Variants in RNF185 observed in about 807,000 individuals in gnomAD.
The protein encoded by RNF185 is ring finger protein 185.
A neutral mutation model predicts 24.9 loss-of-function variants in RNF185; 13 were observed. The observed-to-expected ratio is 0.52, with a 90% CI of 0.34 to 0.83. The LOEUF is 0.83. RNF185 is among the 40% of genes least tolerant of loss of function. RNF185 has a pLI of 0.01. For missense variants in RNF185, 184 were observed against 244.7 expected, an observed-to-expected ratio of 0.75 and a Z score of 1.65; for synonymous variants, 79 against 90.3, an observed-to-expected ratio of 0.88 and a Z score of 0.71.
intron 1 of RNF185, among the ~76,000 whole-genome samples, chr22:31,180,818 G>A (rs1292486486): frequency 6.6e-6 from 1 of 151,974 alleles, no homozygotes; most frequent in Non-Finnish European, 1.5e-5. Context: ...TTGAAACAGG[G>A]TAAGAATATA....
rs535149303 is a variant in RNF185, at chr22:31,189,946, A to G, written c.176+2676A>G. Among the ~76,000 whole-genome samples the G allele has an allele frequency of 1.2e-4, 19 of 152,282 alleles. No homozygotes were observed. In the South Asian group the frequency reaches 3.9e-3, roughly 32 times the overall value. On this transcript the variant is annotated intron_variant, in intron 2 of 6. Transcript: ENST00000326132. ...CATTGGAAAGAACACAGACTCTAAA[A>G]TGAAACAGATGCTTCCAGTCTGGAT... is the stretch of plus-strand genomic sequence containing the variant.
rs1568975537 is a variant in RNF185 at position 31,204,730 on chromosome 22, G to C, written c.*144G>C. ...ATCAAGGAGTCTTGTTTCTTCATCA[G>C]AGCTTTGGAACTCGAGACCAGTTGG... On this transcript the variant is annotated 3_prime_UTR_variant, in exon 7 of 7. Transcript: ENST00000326132. 1 of 609,370 alleles carries C rather than the reference G, an allele frequency of 1.6e-6. No homozygotes were observed. The highest frequency in any genetic ancestry group is 3.0e-6 in the Non-Finnish European group (1 of 337,412). The allele number at this position is 609,370 out of a possible 1,614,324, so 37.7% of individuals were successfully genotyped here. A position where few individuals can be genotyped will look rare whatever the true frequency, so the allele number is the denominator to read the frequency against.
intron 5 of RNF185, among the ~76,000 whole-genome samples, chr22:31,199,082 A>G (rs983720936): frequency 2.1e-5 from 3 of 140,928 alleles, no homozygotes; most frequent in African/African-American, 8.2e-5. Flanking sequence ...CCTTGGCGAC[A>G]GAGCAAGACT....
intron 5 of RNF185, among the ~76,000 whole-genome samples, chr22:31,198,380 A>G (rs917035647): frequency 4.8e-5 from 7 of 147,220 alleles, no homozygotes; most frequent in Non-Finnish European, 1.0e-4. Flanking sequence ...TGCTACAATA[A>G]CCATCTTTGC....
chr22:31,185,208 T>C (rs148711078), intron 1 of RNF185, among the ~76,000 whole-genome samples: 64 of 152,146 alleles, frequency 4.2e-4, no homozygotes, highest in African/African-American at 1.3e-3. Context: ...TTCTGGGACA[T>C]TATGTAAAAT....
chr22:31,186,959 T>C (rs1379227781), intron 1 of RNF185, 88 bp from the exon 2 acceptor site: 2 of 944,404 alleles, frequency 2.1e-6, no homozygotes, highest in Non-Finnish European at 1.6e-6. Flanking sequence ...TAATCAGCTC[T>C]GGAGCCTAGA....
chr22:31,177,159 C>T (rs1456384047), intron 1 of RNF185, among the ~76,000 whole-genome samples: 2 of 152,076 alleles, frequency 1.3e-5, no homozygotes, highest in East Asian at 1.9e-4. Context: ...TCTTCAGGTA[C>T]TATGTACACA....
At chr22:31,185,075 C>A (rs2048085863) in intron 1 of RNF185, among the ~76,000 whole-genome samples, 1 of 151,158 alleles carries the variant, frequency 6.6e-6, no homozygotes, top group South Asian at 2.1e-4. Context: ...ATGTGGCCCT[C>A]AAAAGTGGGT....
intron 1 of RNF185, among the ~76,000 whole-genome samples, chr22:31,170,241 T>G (rs1332427625): frequency 6.6e-6 from 1 of 152,134 alleles, no homozygotes; most frequent in Non-Finnish European, 1.5e-5. Flanking sequence ...CAGGCTGGAG[T>G]GCAGTGGTGC....
chr22:31,163,912 G>A (rs1363471245), intron 1 of RNF185, among the ~76,000 whole-genome samples: 1 of 151,842 alleles, frequency 6.6e-6, no homozygotes, highest in East Asian at 1.9e-4. Flanking sequence ...GACCTCAAGT[G>A]ATCCACCCAC....
At chr22:31,197,516 A>G (rs973574956) in intron 5 of RNF185, among the ~76,000 whole-genome samples, 2 of 152,194 alleles carry the variant, frequency 1.3e-5, no homozygotes, top group Admixed American at 1.3e-4. Context: ...AGTTAAAAAA[A>G]ATCCTGATGA....
At chr22:31,180,341 A>G (rs1406916304) in intron 1 of RNF185, among the ~76,000 whole-genome samples, 1 of 151,990 alleles carries the variant, frequency 6.6e-6, no homozygotes, top group African/African-American at 2.4e-5. Context: ...GTGGGCACCT[A>G]TAAGCCCAGC....
chr22:31,171,122 C>G (rs2047924678), intron 1 of RNF185, among the ~76,000 whole-genome samples: 1 of 151,652 alleles, frequency 6.6e-6, no homozygotes, highest in African/African-American at 2.4e-5. Flanking sequence ...TTATAAACTC[C>G]TTGAGCACAG....
chr22:31,187,258 G>T lies in RNF185; in HGVS notation c.164G>T (p.Gly55Val). 1 of 1,613,978 alleles carries T rather than the reference G, an allele frequency of 6.2e-7. No individual in the cohort carries two copies. Among genetic ancestry groups the T allele is most frequent in the Non-Finnish European group, 8.5e-7 (1 of 1,179,884 alleles). Residue 55 changes from glycine (G) to valine (V), a missense_variant, in exon 2 of 7, where the codon GGC becomes GTC. Transcript: ENST00000326132. ...TAKDAVISLC[G>V]HLFCWPCLHQ... is the part of the protein sequence containing the mutation. ...AAGGATGCCGTCATCAGCCTGTGTG[G>T]CCACCTCTTCTGGTCAGTACCCCTA... is the stretch of plus-strand genomic sequence containing the variant.
intron 1 of RNF185, among the ~76,000 whole-genome samples, chr22:31,176,710 G>A (rs1179443250): frequency 6.6e-6 from 1 of 151,214 alleles, no homozygotes; most frequent in East Asian, 2.0e-4. Context: ...GGATGGTCTC[G>A]ATCTCCTGAC....
intron 3 of RNF185, among the ~76,000 whole-genome samples, chr22:31,193,302 G>A (rs1259776693): frequency 6.6e-6 from 1 of 152,200 alleles, no homozygotes. Flanking sequence ...AATCTGGATG[G>A]GAGAAAGAAG....
chr22:31,196,871 G>C, intron 4 of RNF185, 65 bp from the exon 5 acceptor site: 2 of 1,593,714 alleles, frequency 1.3e-6, no homozygotes, highest in South Asian at 2.3e-5. Context: ...AAGAGCTCCA[G>C]GTCCTCACAG....
At chr22:31,190,159 G>A (rs2147950897) in intron 2 of RNF185, among the ~76,000 whole-genome samples, 1 of 152,294 alleles carries the variant, frequency 6.6e-6, no homozygotes. Flanking sequence ...GGTCAACAAT[G>A]GATTACATAT....
chr22:31,205,105 C>T lies in RNF185; in HGVS notation c.*519C>T, dbSNP rs924326666. 73 of 176,080 alleles carry T rather than the reference C, an allele frequency of 4.1e-4. No homozygotes were observed. Among genetic ancestry groups the T allele is most frequent in the Non-Finnish European group, 8.6e-4 (61 of 70,882 alleles). 10.9% of individuals were successfully genotyped at this position (176,080 alleles called of 1,614,324 possible). On this transcript the variant is annotated 3_prime_UTR_variant, in exon 7 of 7. Coordinates refer to ENST00000326132, the MANE Select transcript of RNF185 (RefSeq NM_152267.4). ...CTCTTTCCTTCCCCTCCCACTCCCC[C>T]TCTTCTTCCTCTGTAGAGATGCAAG... is the stretch of plus-strand genomic sequence containing the variant.
Sources: allele counts gnomAD v4.1 joint callset (sites outside exome capture counted in the v4.1 genomes callset), GRCh38; gene constraint gnomAD v4.1.1; transcripts MANE v1.5; gene names NCBI Gene and HGNC (gene_info 2026-07-23, HGNC 2026-07-21).